The following ASIC2 variants were observed in gnomAD, a reference collection of about 807,000 sequenced individuals.
ASIC2 encodes acid sensing ion channel subunit 2.
Under a neutral mutation model 57.3 loss-of-function variants are expected in ASIC2, and 25 were observed. That is an observed-to-expected ratio of 0.44 (90% CI 0.32 to 0.61). The LOEUF (loss-of-function observed/expected upper bound fraction) is 0.61. ASIC2 is among the 20% of genes least tolerant of loss of function. The pLI, the probability that ASIC2 is intolerant of heterozygous loss-of-function variation, is 0.06. For missense variants in ASIC2, 641 were observed against 738.1 expected (o/e 0.87, Z 1.52); for synonymous variants, 319 against 307.5 (o/e 1.04, Z -0.39).
At chr17:34,133,668 C>T (rs1287317344) in intron 1 of ASIC2, among the ~76,000 whole-genome samples, 1 of 152,232 alleles carries the variant, frequency 6.6e-6, no homozygotes, top group Admixed American at 6.5e-5. Flanking sequence ...CCACAGCTTC[C>T]CTGGGCCTCA....
intron 1 of ASIC2, among the ~76,000 whole-genome samples, chr17:33,679,238 A>G (rs1249875260): frequency 6.6e-6 from 1 of 152,208 alleles, no homozygotes; most frequent in Non-Finnish European, 1.5e-5. Flanking sequence ...TCCTTCATGC[A>G]GAGATTTAGG....
intron 1 of ASIC2, among the ~76,000 whole-genome samples, chr17:34,064,418 A>C (rs950705802): frequency 6.6e-6 from 1 of 152,208 alleles, no homozygotes; most frequent in African/African-American, 2.4e-5. Flanking sequence ...TGAAACTGTA[A>C]GAATTCTAGA....
intron 1 of ASIC2, chr17:34,039,652 T>C: frequency 1.2e-6 from 2 of 1,613,078 alleles, no homozygotes; most frequent in Non-Finnish European, 1.7e-6. Context: ...GCCTTTCCCT[T>C]GGCTACTTTC....
At chr17:33,221,498 T>G (rs928848008) in intron 1 of ASIC2, among the ~76,000 whole-genome samples, 2 of 152,190 alleles carry the variant, frequency 1.3e-5, no homozygotes, top group African/African-American at 4.8e-5. Flanking sequence ...GAAATCTAAC[T>G]GATGAGAGTT....
At chr17:33,957,480 C>T (rs755621557) in intron 1 of ASIC2, among the ~76,000 whole-genome samples, 2 of 152,110 alleles carry the variant, frequency 1.3e-5, no homozygotes, top group Non-Finnish European at 2.9e-5. Flanking sequence ...GGAGGCCTCA[C>T]AATCATGATA....
chr17:33,571,092 G>A (rs995890877), intron 1 of ASIC2, among the ~76,000 whole-genome samples: 5 of 152,032 alleles, frequency 3.3e-5, no homozygotes, highest in African/African-American at 1.2e-4. Context: ...CCATTCACCA[G>A]ACTAATCTCC....
chr17:34,060,109 C>G (rs1445742347), intron 1 of ASIC2, among the ~76,000 whole-genome samples: 1 of 152,196 alleles, frequency 6.6e-6, no homozygotes, highest in Non-Finnish European at 1.5e-5. Context: ...TCTGCCACCT[C>G]CACCAGAACA....
chr17:33,339,267 G>C (rs994642151), intron 1 of ASIC2, among the ~76,000 whole-genome samples: 6 of 152,162 alleles, frequency 3.9e-5, no homozygotes, highest in Non-Finnish European at 8.8e-5. Flanking sequence ...TGCCTCTCAT[G>C]CTCAATAGAC....
chr17:34,042,931 T>C (rs1231180439), intron 1 of ASIC2, among the ~76,000 whole-genome samples: 1 of 152,232 alleles, frequency 6.6e-6, no homozygotes, highest in Non-Finnish European at 1.5e-5. Flanking sequence ...GATTTATATA[T>C]TTGCAGAATA....
intron 1 of ASIC2, among the ~76,000 whole-genome samples, chr17:34,101,818 C>T (rs969631875): frequency 1.5e-4 from 22 of 151,232 alleles, no homozygotes; most frequent in South Asian, 2.2e-4. Flanking sequence ...AAAATTCAAA[C>T]GTCTGCAAGT....
intron 1 of ASIC2, among the ~76,000 whole-genome samples, chr17:33,823,300 T>C (rs1400763499): frequency 6.6e-6 from 1 of 152,220 alleles, no homozygotes; most frequent in Non-Finnish European, 1.5e-5. Flanking sequence ...CATATTTCAT[T>C]TGCAGAAGAC....
chr17:33,497,866 G>C (rs1597752541), intron 1 of ASIC2, among the ~76,000 whole-genome samples: 1 of 152,202 alleles, frequency 6.6e-6, no homozygotes, highest in African/African-American at 2.4e-5. Context: ...AGTGTCACTA[G>C]AAGGCCAGAT....
At chr17:33,129,971 G>A (rs1164527666) in intron 1 of ASIC2, among the ~76,000 whole-genome samples, 1 of 152,182 alleles carries the variant, frequency 6.6e-6, no homozygotes, top group African/African-American at 2.4e-5. Flanking sequence ...CTGTTCATAA[G>A]GCAGATCAGT....
chr17:33,408,477 T>G (rs750816090), intron 1 of ASIC2, among the ~76,000 whole-genome samples: 2 of 152,220 alleles, frequency 1.3e-5, no homozygotes, highest in Non-Finnish European at 2.9e-5. Context: ...AGTTTGTGCA[T>G]CTTTAAAACA....
intron 3 of ASIC2, among the ~76,000 whole-genome samples, chr17:33,071,499 T>C (rs1199142557): frequency 6.6e-6 from 1 of 152,212 alleles, no homozygotes; most frequent in African/African-American, 2.4e-5. Context: ...TGTTTTAATG[T>C]CCTTGCTGGC....
In ASIC2 at chr17:33,896,008, T is replaced by TA. The variant is rs61657913; in HGVS notation, c.555+259969dup. On this transcript the variant is annotated intron_variant, in intron 1 of 9. Transcript: ENST00000359872. The stretch of plus-strand genomic sequence containing the variant: ...GGTAATTATGACGATTAAATGAGAT[T>TA]AAAAAAAAATGTAAAGCACTTTTTC... 2.2e-4 allele frequency among the ~76,000 whole-genome samples: 33 copies of TA among 151,602 alleles called. 1 individual carries two copies. The highest frequency in any genetic ancestry group is 1.0e-3 in the South Asian group (5 of 4,792).
intron 1 of ASIC2, among the ~76,000 whole-genome samples, chr17:33,286,752 C>CA (rs1905214250): frequency 6.6e-6 from 1 of 152,180 alleles, no homozygotes; most frequent in African/African-American, 2.4e-5. Flanking sequence ...TTGGAGCCCA[C>CA]ACAGCACCTC....
At chr17:33,044,764 T>C (rs1286598086) in intron 3 of ASIC2, among the ~76,000 whole-genome samples, 3 of 152,202 alleles carry the variant, frequency 2.0e-5, no homozygotes, top group Non-Finnish European at 4.4e-5. Flanking sequence ...GGGTTTAGTC[T>C]AAAAGAACAG....
intron 1 of ASIC2, among the ~76,000 whole-genome samples, chr17:33,939,527 T>G (rs1916139338): frequency 6.6e-6 from 1 of 152,200 alleles, no homozygotes; most frequent in Non-Finnish European, 1.5e-5. Context: ...ATCCCCTGCA[T>G]AAAAAGCAAA....
Sources: gnomAD v4.1 joint callset for allele counts (sites outside exome capture counted in the v4.1 genomes callset) on GRCh38, gnomAD v4.1.1 for gene constraint, MANE v1.5 for transcripts, NCBI Gene and HGNC (gene_info 2026-07-23, HGNC 2026-07-21) for gene names.